The following POLGARF variants were observed in gnomAD, a reference collection of about 807,000 sequenced individuals.
POLGARF encodes POLG alternative reading frame.
the POLGARF span, chr15:89,333,602 C>CTGT: frequency 6.5e-6 from 10 of 1,548,314 alleles, no homozygotes; most frequent in Non-Finnish European, 8.8e-6. Context: ...GCTGTTGCTG[C>CTGT]TGCTGCTGCT....
chr15:89,333,618 T>C, the POLGARF span: 3 of 1,600,778 alleles, frequency 1.9e-6, no homozygotes, highest in African/African-American at 1.3e-5. Context: ...CTGCTGCTGC[T>C]GCTGCTGCTG....
the POLGARF span, chr15:89,333,781 G>A: frequency 6.5e-7 from 1 of 1,534,876 alleles, no homozygotes; most frequent in Non-Finnish European, 8.7e-7. Context: ...CCCACGCTGG[G>A]AGTCAGAACA....
chr15:89,333,712 C>A, the POLGARF span: 1 of 1,537,320 alleles, frequency 6.5e-7, no homozygotes, highest in South Asian at 1.2e-5. Context: ...GGCCCTGGCC[C>A]GACGGTGGCG....
chr15:89,333,050 C>G, the POLGARF span: 2 of 1,500,858 alleles, frequency 1.3e-6, no homozygotes, highest in Non-Finnish European at 1.8e-6. Flanking sequence ...AACTATTAAG[C>G]TGGGCCCCCA....
At chr15:89,333,554 C>T in the POLGARF span, 1 of 1,611,368 alleles carries the variant, frequency 6.2e-7, no homozygotes, top group Non-Finnish European at 8.5e-7. Context: ...GCCGCAGCTG[C>T]CCGCCCTCCG....
the POLGARF span, chr15:89,333,446 G>C: frequency 6.2e-7 from 1 of 1,610,116 alleles, no homozygotes; most frequent in Non-Finnish European, 8.5e-7. Flanking sequence ...GGTGCTCGAC[G>C]CTGCGGCGCA....
the POLGARF span, chr15:89,333,742 G>A: frequency 2.6e-6 from 4 of 1,535,444 alleles, no homozygotes; most frequent in South Asian, 4.8e-5. Flanking sequence ...TTCCTCCAGA[G>A]CAGGCGGCTC....
the POLGARF span, chr15:89,333,588 G>C: frequency 2.5e-6 from 4 of 1,604,890 alleles, no homozygotes; most frequent in Non-Finnish European, 2.5e-6. Flanking sequence ...CGGCTGCTGA[G>C]GCTGCTGTTG....
At chr15:89,333,551 C>G in the POLGARF span, 1 of 1,612,114 alleles carries the variant, frequency 6.2e-7, no homozygotes, top group Non-Finnish European at 8.5e-7. Context: ...TGTGCCGCAG[C>G]TGCCCGCCCT....
chr15:89,333,324 T>C, the POLGARF span: 9 of 1,559,106 alleles, frequency 5.8e-6, no homozygotes, highest in Non-Finnish European at 7.8e-6. Flanking sequence ...GCTCTGCTTC[T>C]GGGCCAGGAG....
the POLGARF span, chr15:89,333,437 G>T: frequency 1.9e-6 from 3 of 1,609,254 alleles, 1 homozygote; most frequent in South Asian, 3.3e-5. Flanking sequence ...GCTTCTGCAG[G>T]TGCTCGACGC....
chr15:89,331,780 A>G, the POLGARF span, among the ~76,000 whole-genome samples: 1 of 90,386 alleles, frequency 1.1e-5, no homozygotes, highest in Non-Finnish European at 2.2e-5. Context: ...ACCCACCCCC[A>G]CCCACCAGTC....
the POLGARF span, chr15:89,333,206 C>G: frequency 6.3e-7 from 1 of 1,575,732 alleles, no homozygotes. Flanking sequence ...CGGGTACGGC[C>G]TCCCCCTCGG....
chr15:89,333,281 C>T, the POLGARF span: 1 of 1,558,670 alleles, frequency 6.4e-7, no homozygotes, highest in East Asian at 2.4e-5. Flanking sequence ...GCTGGGCCTG[C>T]AACAGCAAGT....
the POLGARF span, among the ~76,000 whole-genome samples, chr15:89,331,837 G>A: frequency 6.6e-6 from 1 of 150,932 alleles, no homozygotes; most frequent in Non-Finnish European, 1.5e-5. Flanking sequence ...CCTTAACAGT[G>A]ACTTCTGCCA....
At chr15:89,333,612 TGCTGCTGCTGCTGCTGCC>T in the POLGARF span, 1 of 1,600,118 alleles carries the variant, frequency 6.2e-7, no homozygotes, top group Non-Finnish European at 8.5e-7. Context: ...CTGCTGCTGC[TGCTGCTGCTGCTGCTGCC>T]GCCGCCGCTG....
the POLGARF span, among the ~76,000 whole-genome samples, chr15:89,331,330 G>C: frequency 1.3e-5 from 2 of 151,366 alleles, no homozygotes; most frequent in African/African-American, 4.9e-5. Context: ...GCATGTCAAA[G>C]CCCTTAAAAC....
chr15:89,333,451 G>A, the POLGARF span: 1 of 1,610,458 alleles, frequency 6.2e-7, no homozygotes, highest in Non-Finnish European at 8.5e-7. Flanking sequence ...TCGACGCTGC[G>A]GCGCACCGCG....
the POLGARF span, chr15:89,333,774 A>T: frequency 6.5e-7 from 1 of 1,534,938 alleles, no homozygotes; most frequent in Non-Finnish European, 8.7e-7. Context: ...AGGGACCCCC[A>T]CGCTGGGAGT....
Sources: gnomAD v4.1 joint callset for allele counts (sites outside exome capture counted in the v4.1 genomes callset) on GRCh38, gnomAD v4.1.1 for gene constraint, MANE v1.5 for transcripts, NCBI Gene and HGNC (gene_info 2026-07-23, HGNC 2026-07-21) for gene names.